Variants in ADAMTS20 observed in about 807,000 individuals in gnomAD.
The protein encoded by ADAMTS20 is ADAM metallopeptidase with thrombospondin type 1 motif 20.
A neutral mutation model predicts 260.1 loss-of-function variants in ADAMTS20; 225 were observed. The ratio of observed to expected loss-of-function variants is 0.87; its 90% CI spans 0.78 to 0.97. The LOEUF is 0.97. Ranked by LOEUF, ADAMTS20 falls within the 50% of genes least tolerant of loss-of-function variation. The pLI is 0.00. For missense variants in ADAMTS20, 2,400 were observed against 2,337.7 expected (o/e 1.03, Z -0.55); for synonymous variants, 802 against 769.5 (o/e 1.04, Z -0.70).
chr12:43,410,102 C>T (rs771240882), intron 28 of ADAMTS20, among the ~76,000 whole-genome samples: 5 of 151,846 alleles, frequency 3.3e-5, no homozygotes, highest in Non-Finnish European at 4.4e-5. Context: ...TTGCACCTCT[C>T]GTTTTTTTTC....
In ADAMTS20 at chr12:43,389,628, C is replaced by T. The variant is rs556201477; in HGVS notation, c.4453-5651G>A. Among the ~76,000 whole-genome samples the T allele has an allele frequency of 2.6e-5, 4 of 152,142 alleles. No homozygotes were observed. In the East Asian group the frequency reaches 7.7e-4, roughly 29 times the overall value. On this transcript the variant is annotated intron_variant, in intron 29 of 38. Transcript: ENST00000389420. ...GTTGCATGCCAGTGGCTATAGTGGTCTGGGGTCATGGGGGCAGCTCTGATG... is the reference window on the plus strand; with the variant it reads ...GTTGCATGCCAGTGGCTATAGTGGTTTGGGGTCATGGGGGCAGCTCTGATG...
intron 28 of ADAMTS20, chr12:43,422,810 T>C (rs1192261043): frequency 1.3e-5 from 2 of 152,084 alleles, no homozygotes; most frequent in Non-Finnish European, 2.9e-5. Flanking sequence ...TTCTTGGTCA[T>C]TTGTTTTTGT....
At chr12:43,550,812 G>T in intron 2 of ADAMTS20, 97 bp downstream of exon 2, 1 of 1,429,964 alleles carries the variant, frequency 7.0e-7, no homozygotes, top group Non-Finnish European at 9.2e-7. Context: ...GAACTCCAGG[G>T]TCATCAGCCA....
intron 28 of ADAMTS20, among the ~76,000 whole-genome samples, chr12:43,409,356 A>T (rs1461221745): frequency 1.3e-5 from 2 of 151,904 alleles, no homozygotes; most frequent in African/African-American, 4.8e-5. Context: ...TAATCACAGC[A>T]CTTTGGGAGG....
At chr12:43,505,021 T>C (rs1201769154) in intron 3 of ADAMTS20, among the ~76,000 whole-genome samples, 2 of 152,138 alleles carry the variant, frequency 1.3e-5, no homozygotes, top group African/African-American at 2.4e-5. Flanking sequence ...TATAAGTTCA[T>C]AGCAAAACAA....
At chr12:43,402,785 A>T (rs1220056576) in intron 28 of ADAMTS20, among the ~76,000 whole-genome samples, 1 of 152,042 alleles carries the variant, frequency 6.6e-6, no homozygotes, top group African/African-American at 2.4e-5. Flanking sequence ...AGTGCTGTAT[A>T]ATTCATTTCT....
intron 3 of ADAMTS20, among the ~76,000 whole-genome samples, chr12:43,510,218 G>A (rs933780266): frequency 2.0e-5 from 3 of 151,690 alleles, no homozygotes; most frequent in East Asian, 1.9e-4. Flanking sequence ...AAATATACAA[G>A]TACTCATAAA....
chr12:43,454,831 T>G (rs1941935660), intron 11 of ADAMTS20, among the ~76,000 whole-genome samples: 1 of 152,196 alleles, frequency 6.6e-6, no homozygotes, highest in Non-Finnish European at 1.5e-5. Context: ...TTTTGTAAGA[T>G]TTTTACAGAG....
At chr12:43,487,741 T>C (rs1942544773) in intron 7 of ADAMTS20, among the ~76,000 whole-genome samples, 1 of 152,050 alleles carries the variant, frequency 6.6e-6, no homozygotes, top group South Asian at 2.1e-4. Flanking sequence ...CTTCCACAGA[T>C]GAACAAAAGT....
chr12:43,499,579 G>C (rs1482321422), intron 4 of ADAMTS20, among the ~76,000 whole-genome samples: 1 of 150,544 alleles, frequency 6.6e-6, no homozygotes, highest in Non-Finnish European at 1.5e-5. Flanking sequence ...GAGATTCCCA[G>C]TGGCAACCTC....
At chr12:43,374,002 C>T (rs1940167386) in intron 36 of ADAMTS20, among the ~76,000 whole-genome samples, 1 of 151,462 alleles carries the variant, frequency 6.6e-6, no homozygotes, top group African/African-American at 2.4e-5. Flanking sequence ...TTAATCCTCA[C>T]CAAACAAGAA....
chr12:43,399,823 G>A (rs749756892), intron 28 of ADAMTS20, among the ~76,000 whole-genome samples: 16 of 152,036 alleles, frequency 1.1e-4, no homozygotes, highest in Admixed American at 5.9e-4. Context: ...AATAACTGAA[G>A]TCTTTTTAAA....
intron 31 of ADAMTS20, among the ~76,000 whole-genome samples, chr12:43,379,297 C>T (rs943858878): frequency 6.6e-6 from 1 of 152,036 alleles, no homozygotes; most frequent in Admixed American, 6.6e-5. Flanking sequence ...CAACAACAGG[C>T]TAGCTAAAAA....
intron 28 of ADAMTS20, among the ~76,000 whole-genome samples, chr12:43,417,428 T>C (rs757967313): frequency 1.2e-4 from 18 of 152,232 alleles, no homozygotes; most frequent in Non-Finnish European, 2.6e-4. Flanking sequence ...TGTTACAACA[T>C]AATGTGATAA....
chr12:43,488,424 T>C (rs1450827909), intron 7 of ADAMTS20, among the ~76,000 whole-genome samples: 2 of 152,178 alleles, frequency 1.3e-5, no homozygotes, highest in African/African-American at 4.8e-5. Flanking sequence ...CGAACTTCTT[T>C]GATAGAATTT....
In ADAMTS20 at chr12:43,551,686, C is replaced by T; in HGVS notation, c.91+145G>A. The T allele has an allele frequency of 1.2e-6, 1 of 858,832 alleles. No homozygotes were observed. Among genetic ancestry groups the T allele is most frequent in the South Asian group, 1.6e-5 (1 of 62,164 alleles). 53.2% of individuals were successfully genotyped at this position (858,832 alleles called of 1,614,324 possible). ...GAAACCCGGCGCAGTCGCGACCTCTCCGGCTGACTGGTCCGGGAGTCCCGG... is the reference window on the plus strand; with the variant it reads ...GAAACCCGGCGCAGTCGCGACCTCTTCGGCTGACTGGTCCGGGAGTCCCGG... On this transcript the variant is annotated intron_variant, in intron 1 of 38. Coordinates refer to ENST00000389420, the MANE Select transcript of ADAMTS20 (RefSeq NM_025003.5). The surrounding 1 kb of genome is among the most constrained non-coding windows in gnomAD (Gnocchi z 4.6).
At chr12:43,354,973 G>A (rs1024346846) in intron 38 of ADAMTS20, among the ~76,000 whole-genome samples, 3 of 152,150 alleles carry the variant, frequency 2.0e-5, no homozygotes, top group African/African-American at 4.8e-5. Context: ...CGTGATAGAC[G>A]CCTCACGTCT....
At chr12:43,455,630 C>T (rs532741351) in intron 11 of ADAMTS20, among the ~76,000 whole-genome samples, 2 of 152,262 alleles carry the variant, frequency 1.3e-5, no homozygotes, top group South Asian at 2.1e-4. Context: ...TGGGAGGGGG[C>T]AAACATTCAA....
Position 43,434,356 on chromosome 12 carries a change from T to C in ADAMTS20, c.2609A>G (p.Asn870Ser). 6.3e-7 allele frequency: 1 copy of C among 1,585,192 alleles called. No individual in the cohort carries two copies. The highest frequency in any genetic ancestry group is 1.2e-5 in the South Asian group (1 of 85,860). ...ATCACTCTTATGTATGCAAGTTATG[T>C]TTCTTCGCTGAAGACCTTGGCCAAA... The part of the protein sequence containing the change: ...TKMCQGLQRR[N>S]ITCIHKSDHS... The change falls in exon 19 of 39, where the codon AAC becomes AGC. Residue 870 changes from asparagine to serine, a missense_variant. Transcript: ENST00000389420.
Sources: allele counts gnomAD v4.1 joint callset (sites outside exome capture counted in the v4.1 genomes callset), GRCh38; gene constraint gnomAD v4.1.1; non-coding constraint Gnocchi (gnomAD v3.1); transcripts MANE v1.5; gene names NCBI Gene and HGNC (gene_info 2026-07-23, HGNC 2026-07-21).